The following SCAPER variants were observed in gnomAD, a reference collection of about 807,000 sequenced individuals.
SCAPER encodes S phase cyclin A-associated protein in the endoplasmic reticulum.
In SCAPER, 98 loss-of-function variants were observed where a neutral mutation model predicts 182.2. That is an observed-to-expected ratio of 0.54 (90% CI 0.46 to 0.64). The LOEUF is 0.64. Among genes scored for constraint, SCAPER ranks in the 30% least tolerant of loss-of-function variants. The pLI is 0.00. For missense variants in SCAPER, 1,432 were observed against 1,690.0 expected, an observed-to-expected ratio of 0.85 and a Z score of 2.68; for synonymous variants, 605 against 564.6, an observed-to-expected ratio of 1.07 and a Z score of -1.01.
In SCAPER at chr15:76,594,012, T is replaced by C. The variant is rs1309283933; in HGVS notation, c.2712-19728A>G. Among the ~76,000 whole-genome samples, 2 of 119,678 alleles carry C rather than the reference T, an allele frequency of 1.7e-5. 1 individual carries two copies. The highest frequency in any genetic ancestry group is 4.5e-4 in the East Asian group (2 of 4,422). The allele number at this position is 119,678 out of a possible 152,430, so 78.5% of individuals were successfully genotyped here. A position where few individuals can be genotyped will look rare whatever the true frequency, so the allele number is the denominator to read the frequency against. Reference sequence around the variant, plus strand: ...ACAGAAGTAGGCTTCAGAAGGTGGGTAATAACAAACTCCTCTGAGCTAAAG... The same window carrying C: ...ACAGAAGTAGGCTTCAGAAGGTGGGCAATAACAAACTCCTCTGAGCTAAAG... On this transcript the variant is annotated intron_variant, in intron 22 of 31. Coordinates refer to ENST00000563290, the MANE Select transcript of SCAPER (RefSeq NM_020843.4).
intron 23 of SCAPER, among the ~76,000 whole-genome samples, chr15:76,506,590 A>G (rs879617324): frequency 1.3e-5 from 2 of 152,138 alleles, no homozygotes; most frequent in Admixed American, 1.3e-4. Context: ...GTTTTAAGAC[A>G]TGTAAAAGAA....
chr15:76,620,955 G>A (rs1567621774), intron 22 of SCAPER, among the ~76,000 whole-genome samples: 1 of 151,940 alleles, frequency 6.6e-6, no homozygotes, highest in Non-Finnish European at 1.5e-5. Context: ...ACCATGACAC[G>A]TTTACCTATG....
intron 2 of SCAPER, among the ~76,000 whole-genome samples, chr15:76,882,038 A>C (rs1487949154): frequency 6.6e-6 from 1 of 152,218 alleles, no homozygotes; most frequent in Admixed American, 6.5e-5. Context: ...AAATTAAATC[A>C]AAGGAAAAAG....
intron 1 of SCAPER, among the ~76,000 whole-genome samples, chr15:76,887,772 T>A (rs1479557946): frequency 6.6e-6 from 1 of 152,184 alleles, no homozygotes; most frequent in East Asian, 1.9e-4. Flanking sequence ...GACTTAAACG[T>A]CCCTGTCTGA....
intron 1 of SCAPER, among the ~76,000 whole-genome samples, chr15:76,897,465 G>A (rs538169067): frequency 6.6e-6 from 1 of 152,212 alleles, no homozygotes; most frequent in South Asian, 2.1e-4. Flanking sequence ...TAGCACTTTG[G>A]GAGGCTGAGG....
intron 15 of SCAPER, among the ~76,000 whole-genome samples, chr15:76,737,186 T>C (rs895803430): frequency 2.6e-5 from 4 of 152,252 alleles, no homozygotes; most frequent in African/African-American, 7.2e-5. Context: ...TCACTATCTA[T>C]GGCAGCTATA....
intron 24 of SCAPER, among the ~76,000 whole-genome samples, chr15:76,481,280 C>T (rs1024179576): frequency 6.6e-6 from 1 of 152,126 alleles, no homozygotes; most frequent in African/African-American, 2.4e-5. Flanking sequence ...AAGATTAAAA[C>T]TTATAAAAGT....
At chr15:76,592,502 C>CCTTT (rs2049196910) in intron 22 of SCAPER, among the ~76,000 whole-genome samples, 1 of 122,548 alleles carries the variant, frequency 8.2e-6, no homozygotes, top group African/African-American at 2.5e-5. Context: ...ACAACCTGGT[C>CCTTT]CTTTCTAAAA....
rs2049535342 is a variant in SCAPER at position 76,596,781 on chromosome 15, A to C, written c.2712-22497T>G. On this transcript the variant is annotated intron_variant, in intron 22 of 31. Transcript: ENST00000563290. ...AAAACCCTTCATGCTAAAAACTCTC[A>C]ATAAAGTAGGTATTGATGGAATGTA... is the stretch of plus-strand genomic sequence containing the variant. Among the ~76,000 whole-genome samples, 2 of 121,292 alleles carry C rather than the reference A, an allele frequency of 1.6e-5. 1 individual carries two copies. Among genetic ancestry groups the C allele is most frequent in the African/African-American group, 5.0e-5 (2 of 39,678 alleles). The allele number at this position is 121,292 out of a possible 152,430, so 79.6% of individuals were successfully genotyped here.
chr15:76,376,482 T>C (rs182630307), intron 28 of SCAPER, among the ~76,000 whole-genome samples, 171 bp from the exon 29 acceptor site: 359 of 152,258 alleles, frequency 2.4e-3, no homozygotes, highest in Non-Finnish European at 4.2e-3. Flanking sequence ...CTAATAAATG[T>C]CCCATAATAA....
chr15:76,768,769 C>T (rs3102711), intron 10 of SCAPER, among the ~76,000 whole-genome samples: 147,105 of 151,694 alleles, frequency 0.97, 71,465 homozygotes, highest in South Asian at 1. Flanking sequence ...AAAAAACTAG[C>T]AAGGATATAG....
chr15:76,793,319 G>A lies in SCAPER; in HGVS notation c.772+1961C>T, dbSNP rs1568155285. On this transcript the variant is annotated intron_variant, in intron 8 of 31. Coordinates refer to ENST00000563290, the MANE Select transcript of SCAPER (RefSeq NM_020843.4). ...AAATCTTTGGAATTCCCAAAATGATGTGTCTTTTTGTATGCTAATGAGTTG... is the reference window on the plus strand; with the variant it reads ...AAATCTTTGGAATTCCCAAAATGATATGTCTTTTTGTATGCTAATGAGTTG... 5.3e-6 allele frequency: 4 copies of A among 748,864 alleles called. No individual in the cohort carries two copies. In the Admixed American group the frequency reaches 8.2e-5, roughly 15 times the overall value. 46.4% of individuals were successfully genotyped at this position (748,864 alleles called of 1,614,324 possible).
chr15:76,561,827 G>GTT (rs34809622), intron 23 of SCAPER, among the ~76,000 whole-genome samples: 31 of 138,574 alleles, frequency 2.2e-4, no homozygotes, highest in African/African-American at 7.7e-4. Flanking sequence ...CCTAGTATTA[G>GTT]TTTTTTTTTT....
intron 10 of SCAPER, among the ~76,000 whole-genome samples, chr15:76,767,945 C>T (rs2151294219): frequency 6.6e-6 from 1 of 151,878 alleles, no homozygotes; most frequent in East Asian, 1.9e-4. Flanking sequence ...GATTTCAGTG[C>T]AAAAAATATC....
At chr15:76,520,759 T>G (rs2144285729) in intron 23 of SCAPER, among the ~76,000 whole-genome samples, 1 of 152,294 alleles carries the variant, frequency 6.6e-6, no homozygotes, top group African/African-American at 2.4e-5. Flanking sequence ...AGTAGTTGGC[T>G]TATGATTATA....
At chr15:76,691,650 T>C (rs2058366865) in intron 20 of SCAPER, among the ~76,000 whole-genome samples, 1 of 152,102 alleles carries the variant, frequency 6.6e-6, no homozygotes, top group African/African-American at 2.4e-5. Flanking sequence ...GAAAACCCCA[T>C]TTACAAACAA....
At chr15:76,903,759 A>C (rs1295889601) in intron 1 of SCAPER, among the ~76,000 whole-genome samples, 1 of 152,206 alleles carries the variant, frequency 6.6e-6, no homozygotes, top group Non-Finnish European at 1.5e-5. Flanking sequence ...AGAAAGAAGG[A>C]AAAGAGCATT....
intron 2 of SCAPER, 38 bp from the exon 3 acceptor site, chr15:76,862,571 A>G (rs753401812): frequency 1.4e-5 from 17 of 1,215,522 alleles, no homozygotes; most frequent in Admixed American, 4.4e-5. Context: ...AGATTATTAG[A>G]TAAGTCAAAA....
At chr15:76,443,106 T>C (rs2047731038) in intron 25 of SCAPER, among the ~76,000 whole-genome samples, 1 of 152,030 alleles carries the variant, frequency 6.6e-6, no homozygotes, top group African/African-American at 2.4e-5. Context: ...ATGGAGAAAA[T>C]CAGAGACTCC....
Sources: allele counts gnomAD v4.1 joint callset (sites outside exome capture counted in the v4.1 genomes callset), GRCh38; gene constraint gnomAD v4.1.1; transcripts MANE v1.5; gene names NCBI Gene and HGNC (gene_info 2026-07-23, HGNC 2026-07-21).